The following TLN2 variants were observed in gnomAD, a reference collection of about 807,000 sequenced individuals.
The protein encoded by TLN2 is talin-2.
In TLN2, 118 loss-of-function variants were observed where a neutral mutation model predicts 294.7. The observed-to-expected ratio is 0.40, with a 90% CI of 0.34 to 0.47. The LOEUF (loss-of-function observed/expected upper bound fraction) is 0.47, where lower values mean the gene tolerates loss of function less well. Among genes scored for constraint, TLN2 ranks in the 20% least tolerant of loss-of-function variants. The probability of loss-of-function intolerance (pLI) is 0.84; values close to 1 mark genes in which losing one functional copy is unlikely to be tolerated. For synonymous variants in TLN2, 1,431 were observed against 1,304.5 expected (o/e 1.10, Z -2.09); for missense variants, 3,083 against 3,282.2 (o/e 0.94, Z 1.48).
chr15:62,763,548 C>G lies in TLN2; in HGVS notation c.4962-15C>G, dbSNP rs374980182. ...CCCCATGGAGCCTGTGTCCAACTTG[C>G]ACTATTCCTTCCAGGGACAAGGCCC... On this transcript the variant is annotated splice_polypyrimidine_tract_variant and intron_variant, in intron 39 of 58. Transcript: ENST00000636159. The G allele has an allele frequency of 2.5e-4, 392 of 1,599,376 alleles. No individual in the cohort carries two copies. Among genetic ancestry groups the G allele is most frequent in the Non-Finnish European group, 3.2e-4 (373 of 1,169,898 alleles).
chr15:62,540,286 G>A (rs2041603442), intron 1 of TLN2, among the ~76,000 whole-genome samples: 1 of 151,958 alleles, frequency 6.6e-6, no homozygotes, highest in Non-Finnish European at 1.5e-5. Flanking sequence ...GTTGCAGTGA[G>A]CCAAGATCGC....
intron 1 of TLN2, among the ~76,000 whole-genome samples, chr15:62,477,526 C>T (rs2037839490): frequency 6.6e-6 from 1 of 152,134 alleles, no homozygotes; most frequent in African/African-American, 2.4e-5. Flanking sequence ...TGTGCTTGTC[C>T]TCCTTAAGGT....
At chr15:62,407,479 A>G (rs762505101) in intron 1 of TLN2, among the ~76,000 whole-genome samples, 2 of 152,184 alleles carry the variant, frequency 1.3e-5, no homozygotes, top group Non-Finnish European at 2.9e-5. Context: ...TTTCCCCCGG[A>G]TATTTCAGTG....
At chr15:62,590,291 T>C (rs930109375) in intron 2 of TLN2, among the ~76,000 whole-genome samples, 3 of 152,216 alleles carry the variant, frequency 2.0e-5, no homozygotes, top group African/African-American at 7.2e-5. Flanking sequence ...TTATTTTTCC[T>C]GATCCTCTCC....
At chr15:62,447,584 C>T (rs1351869005) in intron 1 of TLN2, among the ~76,000 whole-genome samples, 1 of 151,606 alleles carries the variant, frequency 6.6e-6, no homozygotes, top group East Asian at 1.9e-4. Context: ...AGCTCCGCCT[C>T]CTGGGTTCAC....
chr15:62,801,706 T>C (rs1324249495), intron 50 of TLN2, among the ~76,000 whole-genome samples: 1 of 152,142 alleles, frequency 6.6e-6, no homozygotes, highest in Non-Finnish European at 1.5e-5. Flanking sequence ...AATACAGGAG[T>C]AACCTAAAAG....
At chr15:62,701,809 G>C (rs1007866488) in intron 17 of TLN2, among the ~76,000 whole-genome samples, 183 bp from the exon 18 acceptor site, 15 of 152,198 alleles carry the variant, frequency 9.9e-5, no homozygotes, top group Non-Finnish European at 5.9e-5. Flanking sequence ...GCCTCCAGGT[G>C]AAAGGGCCTT....
At chr15:62,608,957 C>G (rs2047677974) in intron 2 of TLN2, among the ~76,000 whole-genome samples, 1 of 151,910 alleles carries the variant, frequency 6.6e-6, no homozygotes, top group Non-Finnish European at 1.5e-5. Context: ...AATAGGAGGT[C>G]TGTTTGGGTA....
At chr15:62,589,993 G>A (rs926560879) in intron 2 of TLN2, among the ~76,000 whole-genome samples, 1 of 151,084 alleles carries the variant, frequency 6.6e-6, no homozygotes, top group Non-Finnish European at 1.5e-5. Context: ...GAGGAGCTGA[G>A]TAGCTGGGTT....
chr15:62,607,712 C>A (rs1439678249), intron 2 of TLN2, among the ~76,000 whole-genome samples: 1 of 152,066 alleles, frequency 6.6e-6, no homozygotes, highest in East Asian at 1.9e-4. Flanking sequence ...TGGAAAAGGC[C>A]CGATTTCCCC....
At chr15:62,673,965 G>T in intron 10 of TLN2, 75 bp downstream of exon 10, 1 of 1,190,948 alleles carries the variant, frequency 8.4e-7, no homozygotes, top group Non-Finnish European at 1.2e-6. Context: ...GGGCCTCTGC[G>T]CATGGTAGTT....
rs1045440104 is a variant in TLN2 at position 62,844,432 on chromosome 15, G to A, written c.*3822G>A. On this transcript the variant is annotated 3_prime_UTR_variant, in exon 59 of 59. Coordinates refer to ENST00000636159, the MANE Select transcript of TLN2 (RefSeq NM_015059.3). ...CTCCAGGGAGCATCAGTGTACCTGA[G>A]TCACTTTGTCTGCATCTCTTCATCC... 1 of 152,066 alleles carries A rather than the reference G, an allele frequency of 6.6e-6. No homozygotes were observed. Among genetic ancestry groups the A allele is most frequent in the Admixed American group, 6.5e-5 (1 of 15,280 alleles). The allele number at this position is 152,066 out of a possible 1,614,324, so 9.4% of individuals were successfully genotyped here.
At position 62,724,763 on chromosome 15, in the gene TLN2, A is replaced by T. The variant is rs191800347; in HGVS notation, c.3127-213A>T. ...AACTCTTACTATATCCAGTTATGAGACATACCTAATTGATGGTTTAAGGAA... is the reference window on the plus strand; with the variant it reads ...AACTCTTACTATATCCAGTTATGAGTCATACCTAATTGATGGTTTAAGGAA... On this transcript the variant is annotated intron_variant, in intron 26 of 58. Coordinates refer to ENST00000636159, the MANE Select transcript of TLN2 (RefSeq NM_015059.3). Among the ~76,000 whole-genome samples, 8 of 152,310 alleles carry T rather than the reference A, an allele frequency of 5.3e-5. No homozygotes were observed. The East Asian group carries it at 1.5e-3, about 29-fold the overall frequency.
chr15:62,680,610 A>C (rs547928391), intron 11 of TLN2, among the ~76,000 whole-genome samples: 1 of 151,156 alleles, frequency 6.6e-6, no homozygotes, highest in East Asian at 1.9e-4. Context: ...CTTTTGGGGT[A>C]TAAGCGTTTT....
At chr15:62,587,763 A>G (rs1201898680) in intron 1 of TLN2, among the ~76,000 whole-genome samples, 4 of 152,246 alleles carry the variant, frequency 2.6e-5, no homozygotes, top group African/African-American at 9.6e-5. Flanking sequence ...AGGTGGCTAC[A>G]GAATGACGTT....
intron 52 of TLN2, among the ~76,000 whole-genome samples, chr15:62,817,184 T>C (rs1269994797): frequency 1.3e-5 from 2 of 152,224 alleles, no homozygotes; most frequent in African/African-American, 4.8e-5. Context: ...ACTGGCTGTC[T>C]TGGAAAGTAA....
chr15:62,582,181 T>A (rs2045111270), intron 1 of TLN2, among the ~76,000 whole-genome samples: 1 of 116,414 alleles, frequency 8.6e-6, no homozygotes. Context: ...ATAACTTCAG[T>A]GCATGTGTAT....
intron 2 of TLN2, among the ~76,000 whole-genome samples, chr15:62,594,754 T>G (rs2046345787): frequency 6.6e-6 from 1 of 152,224 alleles, no homozygotes; most frequent in South Asian, 2.1e-4. Flanking sequence ...TGGGCAAGGA[T>G]GTTTTTGGAT....
chr15:62,623,635 C>G (rs746224984), intron 3 of TLN2, among the ~76,000 whole-genome samples: 2 of 152,212 alleles, frequency 1.3e-5, no homozygotes, highest in Non-Finnish European at 2.9e-5. Context: ...CCTGGAATTA[C>G]TGTTAACATT....
Sources: allele counts gnomAD v4.1 joint callset (sites outside exome capture counted in the v4.1 genomes callset), GRCh38; gene constraint gnomAD v4.1.1; transcripts MANE v1.5; gene names NCBI Gene and HGNC (gene_info 2026-07-23, HGNC 2026-07-21).